XIRP2: variants seen among roughly 807,000 people sequenced by gnomAD.
XIRP2 encodes xin actin binding repeat containing 2, also known as xin actin-binding repeat-containing protein 2.
In XIRP2, 236 loss-of-function variants were observed where a neutral mutation model predicts 277.0. That is an observed-to-expected ratio of 0.85 (90% CI 0.77 to 0.95). The LOEUF is 0.95. Ranked by LOEUF, XIRP2 falls within the 40% of genes least tolerant of loss-of-function variation. The pLI is 0.00. For missense variants in XIRP2, 4,640 were observed against 4,157.5 expected (o/e 1.12, Z -3.19); for synonymous variants, 1,490 against 1,416.5 (o/e 1.05, Z -1.17).
chr2:167,009,930 A>G (rs1401295358), intron 2 of XIRP2, among the ~76,000 whole-genome samples: 1 of 151,660 alleles, frequency 6.6e-6, no homozygotes, highest in Non-Finnish European at 1.5e-5. Flanking sequence ...TTTTCTTGTA[A>G]ATTTGTTTGA....
chr2:167,095,307 C>A (rs1690269607), intron 2 of XIRP2, among the ~76,000 whole-genome samples: 1 of 152,128 alleles, frequency 6.6e-6, no homozygotes, highest in African/African-American at 2.4e-5. Context: ...ACCTTTATTT[C>A]TTTCTCTTAC....
chr2:167,251,527 A>T lies in XIRP2; in HGVS notation c.10135A>T (p.Thr3379Ser). 6.2e-7 allele frequency: 1 copy of T among 1,613,550 alleles called. No individual in the cohort carries two copies. The highest frequency in any genetic ancestry group is 8.5e-7 in the Non-Finnish European group (1 of 1,179,638). ...RTFCKEEFGL[T>S]SLGNTSFTDF... ...ATTTTGTAAGGAGGAATTTGGATTA[A>T]CATCTTTAGGAAACACGAGTTTTAC... Residue 3379 changes from threonine to serine, a missense_variant, in exon 9 of 11, where the codon ACA becomes TCA. By Grantham distance (58) the Thr-to-Ser change is moderately conservative. Coordinates refer to ENST00000409195, the MANE Select transcript of XIRP2 (RefSeq NM_152381.6).
chr2:167,159,149 G>A (rs1692289936), intron 3 of XIRP2, among the ~76,000 whole-genome samples: 1 of 152,170 alleles, frequency 6.6e-6, no homozygotes, highest in African/African-American at 2.4e-5. Flanking sequence ...TATACCGGGG[G>A]AGGAACCATG....
intron 2 of XIRP2, among the ~76,000 whole-genome samples, chr2:166,919,243 T>A (rs1376379877): frequency 1.3e-5 from 2 of 152,222 alleles, no homozygotes; most frequent in African/African-American, 2.4e-5. Context: ...TATTTCTTTA[T>A]GTTTAATGTG....
chr2:167,135,969 C>A lies in XIRP2; in HGVS notation c.469C>A (p.Leu157Met), dbSNP rs772147580. ...PAFKSHPGSQ[L>M]EDSVKDSDKK... ...TTTTAAGAGTCACCCTGGGAGCCAG[C>A]TGGAGGATTCTGTGAAAGATTCAGA... Residue 157 changes from leucine (L) to methionine (M), a missense_variant, in exon 3 of 11, where the codon CTG becomes ATG. Transcript: ENST00000409195. 6.2e-7 allele frequency: 1 copy of A among 1,611,952 alleles called. No individual in the cohort carries two copies. The highest frequency in any genetic ancestry group is 2.2e-5 in the East Asian group (1 of 44,736).
At chr2:167,011,116 G>A (rs1351599893) in intron 2 of XIRP2, among the ~76,000 whole-genome samples, 4 of 149,416 alleles carry the variant, frequency 2.7e-5, no homozygotes, top group African/African-American at 7.3e-5. Flanking sequence ...ATGTTGAATA[G>A]GAGTGGTGAG....
At chr2:167,173,318 G>A (rs982291506) in intron 3 of XIRP2, among the ~76,000 whole-genome samples, 13 of 151,938 alleles carry the variant, frequency 8.6e-5, no homozygotes, top group East Asian at 1.9e-4. Context: ...TCCTTTTACC[G>A]TCTATGTCCA....
chr2:166,954,947 A>C (rs2105400130), intron 2 of XIRP2, among the ~76,000 whole-genome samples: 1 of 151,936 alleles, frequency 6.6e-6, no homozygotes, highest in Middle Eastern at 3.4e-3. Context: ...ATTAGGAAAG[A>C]GAGTTAATGC....
chr2:166,893,852 A>C (rs1684173961), intron 1 of XIRP2, among the ~76,000 whole-genome samples: 1 of 152,176 alleles, frequency 6.6e-6, no homozygotes, highest in South Asian at 2.1e-4. Context: ...GTTAGTAGAG[A>C]AATGTACCAA....
intron 2 of XIRP2, among the ~76,000 whole-genome samples, chr2:167,000,052 G>C (rs1426914316): frequency 1.3e-5 from 2 of 152,132 alleles, no homozygotes; most frequent in African/African-American, 2.4e-5. Flanking sequence ...TGTGATTGCA[G>C]AAAACCCAAC....
At chr2:167,207,585 G>A (rs762386729) in intron 3 of XIRP2, among the ~76,000 whole-genome samples, 3 of 152,028 alleles carry the variant, frequency 2.0e-5, no homozygotes, top group Non-Finnish European at 4.4e-5. Context: ...AATTCAGGAA[G>A]GCATAATGAA....
intron 2 of XIRP2, among the ~76,000 whole-genome samples, chr2:166,920,807 G>A (rs1469477617): frequency 6.6e-6 from 1 of 152,048 alleles, no homozygotes; most frequent in African/African-American, 2.4e-5. Flanking sequence ...ATATACAAAT[G>A]AGAAAATATA....
chr2:167,048,144 A>T (rs1157381175), intron 2 of XIRP2, among the ~76,000 whole-genome samples: 1 of 152,028 alleles, frequency 6.6e-6, no homozygotes. Flanking sequence ...CAGTTATACA[A>T]GTAATAGATG....
chr2:167,201,240 AAGAAAGAAAGAAAGAAAGAAAG>A lies in XIRP2; in HGVS notation c.563-9491_563-9470del, dbSNP rs1485548331. Among the ~76,000 whole-genome samples, 17 of 101,972 alleles carry A rather than the reference AAGAAAGAAAGAAAGAAAGAAAG, an allele frequency of 1.7e-4. 1 individual carries two copies. The East Asian group carries it at 2.7e-3, about 16-fold the overall frequency. The allele number at this position is 101,972 out of a possible 152,430, so 66.9% of individuals were successfully genotyped here. A position where few individuals can be genotyped will look rare whatever the true frequency, so the allele number is the denominator to read the frequency against. ...AAAGAAAGAAAGAAAGAAAGAAAGA[AAGAAAGAAAGAAAGAAAGAAAG>A]AGAGAGGGAGAAAGGAAAGAAGGAA... On this transcript the variant is annotated intron_variant, in intron 3 of 10. Coordinates refer to ENST00000409195, the MANE Select transcript of XIRP2 (RefSeq NM_152381.6).
At chr2:167,053,124 G>C (rs1377350881) in intron 2 of XIRP2, among the ~76,000 whole-genome samples, 1 of 152,092 alleles carries the variant, frequency 6.6e-6, no homozygotes, top group Non-Finnish European at 1.5e-5. Flanking sequence ...CATCAGTTAT[G>C]ATTTTGTTAA....
chr2:166,934,783 T>C (rs1308919448), intron 2 of XIRP2, among the ~76,000 whole-genome samples: 2 of 152,038 alleles, frequency 1.3e-5, no homozygotes. Context: ...GAGGCTGATG[T>C]GGGCAAATCA....
At chr2:167,108,733 TAAATGTACACTCTTTA>T (rs1383418554) in intron 2 of XIRP2, among the ~76,000 whole-genome samples, 2 of 151,990 alleles carry the variant, frequency 1.3e-5, no homozygotes, top group African/African-American at 2.4e-5. Context: ...TACATTTGAG[TAAATGTACACTCTTTA>T]AAATGTACAC....
chr2:167,147,793 C>T (rs1315897887), intron 3 of XIRP2, among the ~76,000 whole-genome samples: 1 of 152,160 alleles, frequency 6.6e-6, no homozygotes, highest in Non-Finnish European at 1.5e-5. Flanking sequence ...AGAATAACGG[C>T]TCTTCCGAGT....
intron 2 of XIRP2, among the ~76,000 whole-genome samples, chr2:167,086,326 G>A (rs1221876853): frequency 2.0e-5 from 3 of 152,098 alleles, no homozygotes; most frequent in African/African-American, 7.2e-5. Flanking sequence ...TTAGTCTGAT[G>A]GGCTTCCCTT....
Sources: gnomAD v4.1 joint callset for allele counts (sites outside exome capture counted in the v4.1 genomes callset) on GRCh38, gnomAD v4.1.1 for gene constraint, MANE v1.5 for transcripts, NCBI Gene and HGNC (gene_info 2026-07-23, HGNC 2026-07-21) for gene names.